TNFSF4: variants seen among roughly 807,000 people sequenced by gnomAD.
TNFSF4 encodes tumor necrosis factor ligand superfamily member 4.
TNFSF4 carries 4 observed loss-of-function variants against 7.3 expected under a neutral mutation model. That is an observed-to-expected ratio of 0.55 (90% CI 0.27 to 1.25). The LOEUF is 1.25. Ranked by LOEUF, TNFSF4 falls within the 50% of genes most tolerant of loss-of-function variation. The pLI is 0.12. For synonymous variants in TNFSF4, 76 were observed against 83.7 expected (o/e 0.91, Z 0.50); for missense variants, 181 against 208.8 (o/e 0.87, Z 0.82).
At chr1:173,377,270 A>C in the TNFSF4 span, among the ~76,000 whole-genome samples, 1 of 152,212 alleles carries the variant, frequency 6.6e-6, no homozygotes, top group Admixed American at 6.5e-5. Context: ...TTTCGGGGCT[A>C]AATACCGGGC....
At chr1:173,193,482 A>G (rs1176635745) in intron 1 of TNFSF4, among the ~76,000 whole-genome samples, 1 of 152,222 alleles carries the variant, frequency 6.6e-6, no homozygotes, top group Non-Finnish European at 1.5e-5. Context: ...TATTTTGCAT[A>G]TGAAGAAATT....
downstream of TNFSF4, among the ~76,000 whole-genome samples, chr1:173,179,744 A>C (rs553590228): frequency 6.6e-6 from 1 of 152,310 alleles, no homozygotes; most frequent in African/African-American, 2.4e-5. Context: ...TACCATTAAC[A>C]CTGTTAAATT....
the TNFSF4 span, among the ~76,000 whole-genome samples, chr1:173,368,431 C>G: frequency 2.6e-5 from 4 of 152,284 alleles, 1 homozygote; most frequent in South Asian, 8.3e-4. Flanking sequence ...CAGTGAGTAC[C>G]ATTGGACCCC....
upstream of TNFSF4, among the ~76,000 whole-genome samples, chr1:173,209,636 C>G (rs1650310830): frequency 6.6e-6 from 1 of 152,112 alleles, no homozygotes. Context: ...TCCCAAGTAG[C>G]TAGGACTATA....
chr1:173,294,526 A>G, the TNFSF4 span, among the ~76,000 whole-genome samples: 1 of 152,000 alleles, frequency 6.6e-6, no homozygotes, highest in African/African-American at 2.4e-5. Context: ...GGGATCATTC[A>G]TACCCCAAAC....
the TNFSF4 span, among the ~76,000 whole-genome samples, chr1:173,308,313 C>G: frequency 0.39 from 52,940 of 134,776 alleles, 10,050 homozygotes; most frequent in African/African-American, 0.44. Context: ...GTGTGTGTGT[C>G]TGTGTGTGTG....
At chr1:173,240,268 C>T in the TNFSF4 span, among the ~76,000 whole-genome samples, 3 of 152,158 alleles carry the variant, frequency 2.0e-5, no homozygotes, top group African/African-American at 7.2e-5. Context: ...CTCTTGTTGG[C>T]TGTATCTTAC....
At chr1:173,331,469 G>A in the TNFSF4 span, among the ~76,000 whole-genome samples, 1 of 152,132 alleles carries the variant, frequency 6.6e-6, no homozygotes, top group Non-Finnish European at 1.5e-5. Flanking sequence ...AATAAAACTA[G>A]ACACTTCAGA....
chr1:173,177,572 C>CCCCTGAA, the TNFSF4 span, among the ~76,000 whole-genome samples: 3 of 152,096 alleles, frequency 2.0e-5, no homozygotes, highest in African/African-American at 7.2e-5. Context: ...TGTGTGTGTA[C>CCCCTGAA]CCCTGAACCT....
At chr1:173,223,273 T>C in the TNFSF4 span, among the ~76,000 whole-genome samples, 3 of 152,174 alleles carry the variant, frequency 2.0e-5, no homozygotes, top group Non-Finnish European at 4.4e-5. Context: ...TTAACAAGCA[T>C]TTACACTTGT....
the TNFSF4 span, among the ~76,000 whole-genome samples, chr1:173,397,124 T>C: frequency 4.6e-5 from 7 of 152,194 alleles, no homozygotes; most frequent in African/African-American, 1.7e-4. Context: ...ACGGTGTTCC[T>C]AGAAGTAAAA....
intron 1 of TNFSF4, among the ~76,000 whole-genome samples, chr1:173,200,597 A>T (rs551522393): frequency 1.3e-5 from 2 of 152,318 alleles, no homozygotes; most frequent in South Asian, 4.1e-4. Context: ...ATGTTTTATG[A>T]CTTATTTTAT....
At chr1:173,401,645 A>C in the TNFSF4 span, among the ~76,000 whole-genome samples, 1 of 152,100 alleles carries the variant, frequency 6.6e-6, no homozygotes, top group Non-Finnish European at 1.5e-5. Context: ...CTCAGACTGA[A>C]CTACACCACT....
chr1:173,434,346 C>T, the TNFSF4 span, among the ~76,000 whole-genome samples: 1 of 152,134 alleles, frequency 6.6e-6, no homozygotes. Context: ...ACAATTTATC[C>T]TAAAGCATTT....
chr1:173,201,195 G>GCAAA (rs60325425), intron 1 of TNFSF4, among the ~76,000 whole-genome samples: 15,838 of 152,136 alleles, frequency 0.1, 972 homozygotes, highest in African/African-American at 0.16. Flanking sequence ...TGAACCACGT[G>GCAAA]CAGACACTGA....
the TNFSF4 span, among the ~76,000 whole-genome samples, chr1:173,349,258 G>A: frequency 1.5e-3 from 224 of 152,112 alleles, no homozygotes; most frequent in Non-Finnish European, 2.6e-3. Flanking sequence ...TCGATCTCCC[G>A]ACCTCATGAT....
At chr1:173,201,193 G>A (rs1167931383) in intron 1 of TNFSF4, among the ~76,000 whole-genome samples, 3 of 147,906 alleles carry the variant, frequency 2.0e-5, no homozygotes, top group Admixed American at 6.8e-5. Context: ...TCTGAACCAC[G>A]TGCAGACACT....
chr1:173,406,360 A>G, the TNFSF4 span, among the ~76,000 whole-genome samples: 391 of 152,306 alleles, frequency 2.6e-3, no homozygotes, highest in Non-Finnish European at 4.4e-3. Flanking sequence ...TATATGCCCC[A>G]GTGCTTGACC....
At chr1:173,337,900 A>G in the TNFSF4 span, among the ~76,000 whole-genome samples, 73 of 152,292 alleles carry the variant, frequency 4.8e-4, no homozygotes, top group Non-Finnish European at 8.7e-4. Context: ...TGCTCACCAA[A>G]TGATCTCAGA....
Sources: allele counts gnomAD v4.1 joint callset (sites outside exome capture counted in the v4.1 genomes callset), GRCh38; gene constraint gnomAD v4.1.1; transcripts MANE v1.5; gene names NCBI Gene and HGNC (gene_info 2026-07-23, HGNC 2026-07-21).